The following CLVS1 variants were observed in gnomAD, a reference collection of about 807,000 sequenced individuals.
The protein encoded by CLVS1 is clavesin-1.
Under a neutral mutation model 33.1 loss-of-function variants are expected in CLVS1, and 10 were observed. That is an observed-to-expected ratio of 0.30 (90% CI 0.19 to 0.51). The LOEUF (loss-of-function observed/expected upper bound fraction) is 0.51, where lower values mean the gene tolerates loss of function less well. Among genes scored for constraint, CLVS1 ranks in the 20% least tolerant of loss-of-function variants. The pLI, the probability that CLVS1 is intolerant of heterozygous loss-of-function variation, is 0.97. For synonymous variants in CLVS1, 163 were observed against 166.1 expected, an observed-to-expected ratio of 0.98 and a Z score of 0.14; for missense variants, 343 against 433.4, an observed-to-expected ratio of 0.79 and a Z score of 1.85.
intron 2 of CLVS1, among the ~76,000 whole-genome samples, chr8:61,143,653 C>T (rs547231479): frequency 1.3e-5 from 2 of 151,808 alleles, no homozygotes; most frequent in East Asian, 3.9e-4. Context: ...AGTGTACTGT[C>T]TATTCTGCAC....
In CLVS1 at chr8:61,120,580, T is replaced by A. The variant is rs1389235552; in HGVS notation, c.-242-11190T>A. ...TGGATGTCCTTTGTGTTTGTTAGTT[T>A]TCCTTCTAACAGACAGGACCCTCAG... On this transcript the variant is annotated intron_variant, in intron 1 of 2. Coordinates refer to the CLVS1 transcript ENST00000522621. Among the ~76,000 whole-genome samples, 7 of 103,336 alleles carry A rather than the reference T, an allele frequency of 6.8e-5. 1 individual carries two copies. In the East Asian group the frequency reaches 2.4e-3, roughly 35 times the overall value. 67.8% of individuals were successfully genotyped at this position (103,336 alleles called of 152,430 possible).
chr8:61,289,323 A>T (rs1163214563), intron 1 of CLVS1, among the ~76,000 whole-genome samples: 2 of 152,188 alleles, frequency 1.3e-5, no homozygotes, highest in Non-Finnish European at 2.9e-5. Context: ...AGCTGAAGGG[A>T]AGTTGGAACA....
the CLVS1 span, among the ~76,000 whole-genome samples, chr8:60,995,624 A>G: frequency 2.0e-5 from 3 of 152,222 alleles, no homozygotes; most frequent in Non-Finnish European, 4.4e-5. Flanking sequence ...GGGATCTAGA[A>G]CTAGAAATAC....
chr8:61,224,830 A>C (rs187822449), intron 2 of CLVS1, among the ~76,000 whole-genome samples: 43 of 152,324 alleles, frequency 2.8e-4, no homozygotes, highest in Admixed American at 2.6e-3. Flanking sequence ...CCAATACAGG[A>C]GCACCAAGAT....
chr8:61,414,584 G>A (rs1815358939), intron 3 of CLVS1, among the ~76,000 whole-genome samples: 1 of 152,062 alleles, frequency 6.6e-6, no homozygotes, highest in Non-Finnish European at 1.5e-5. Context: ...TTTTGGCTGG[G>A]GCTGCGAGTA....
At chr8:60,987,949 G>A in the CLVS1 span, among the ~76,000 whole-genome samples, 1 of 152,096 alleles carries the variant, frequency 6.6e-6, no homozygotes, top group Non-Finnish European at 1.5e-5. Context: ...AATAATAAAA[G>A]TGCTAGTGAG....
chr8:61,072,734 T>G (rs1804821520), intron 1 of CLVS1, among the ~76,000 whole-genome samples: 1 of 152,092 alleles, frequency 6.6e-6, no homozygotes, highest in Non-Finnish European at 1.5e-5. Flanking sequence ...AAATCCCACT[T>G]CCCAGCTCAC....
chr8:61,135,260 G>T (rs1357258569), intron 2 of CLVS1, among the ~76,000 whole-genome samples: 1 of 152,056 alleles, frequency 6.6e-6, no homozygotes, highest in African/African-American at 2.4e-5. Flanking sequence ...GGCTTGGCAA[G>T]ACCTGTTGTT....
chr8:61,371,328 T>C (rs1025879905), intron 2 of CLVS1, among the ~76,000 whole-genome samples: 2 of 152,212 alleles, frequency 1.3e-5, no homozygotes, highest in African/African-American at 4.8e-5. Context: ...AGCCCACATT[T>C]TGATGGAATT....
rs140259726 is a variant in CLVS1, at chr8:61,151,085, T to C, written c.-152+19225T>C. ...AAGAAAAAGAATTTCAATGAATGCA[T>C]GAGCTACCAGTGGCAAGACAGGCAC... On this transcript the variant is annotated intron_variant, in intron 2 of 2. Transcript: ENST00000522621. Among the ~76,000 whole-genome samples, 67 of 152,302 alleles carry C rather than the reference T, an allele frequency of 4.4e-4. 1 individual carries two copies. In the East Asian group the frequency reaches 0.013, roughly 28 times the overall value.
upstream of CLVS1, among the ~76,000 whole-genome samples, chr8:61,053,260 G>A (rs1256707790): frequency 1.3e-5 from 2 of 152,192 alleles, no homozygotes; most frequent in Admixed American, 1.3e-4. Flanking sequence ...GTTGCAGGAT[G>A]CAATGAGATT....
intron 2 of CLVS1, among the ~76,000 whole-genome samples, chr8:61,189,469 T>C (rs75893939): frequency 3.9e-5 from 6 of 152,176 alleles, no homozygotes; most frequent in Non-Finnish European, 7.4e-5. Flanking sequence ...CATCAACTAA[T>C]GAGCAAAATA....
intron 2 of CLVS1, among the ~76,000 whole-genome samples, chr8:61,372,090 G>A (rs1013117133): frequency 2.6e-5 from 4 of 152,124 alleles, no homozygotes; most frequent in African/African-American, 9.7e-5. Flanking sequence ...AAGGGTGGAA[G>A]AAATGTAAAT....
intron 3 of CLVS1, among the ~76,000 whole-genome samples, chr8:61,405,100 T>C (rs1814936512): frequency 6.6e-6 from 1 of 152,110 alleles, no homozygotes; most frequent in Admixed American, 6.5e-5. Context: ...CTCTGGGGGG[T>C]AGTGAATATA....
chr8:61,137,506 A>G (rs1048313597), intron 2 of CLVS1, among the ~76,000 whole-genome samples: 12 of 152,154 alleles, frequency 7.9e-5, no homozygotes, highest in African/African-American at 2.4e-4. Context: ...AGCACTTGAT[A>G]CATAAAACAT....
intron 5 of CLVS1, among the ~76,000 whole-genome samples, chr8:61,488,783 T>A (rs1288431868): frequency 6.6e-6 from 1 of 152,192 alleles, no homozygotes; most frequent in Non-Finnish European, 1.5e-5. Flanking sequence ...CAATAAGCCC[T>A]TTTGTAGGTA....
intron 2 of CLVS1, among the ~76,000 whole-genome samples, chr8:61,245,782 C>T (rs959230715): frequency 2.6e-5 from 4 of 151,188 alleles, no homozygotes; most frequent in Non-Finnish European, 5.9e-5. Flanking sequence ...AGCTATACAC[C>T]ATTTTATTAT....
At chr8:61,060,378 G>A (rs1031454612) in intron 1 of CLVS1, among the ~76,000 whole-genome samples, 2 of 152,206 alleles carry the variant, frequency 1.3e-5, no homozygotes, top group African/African-American at 4.8e-5. Flanking sequence ...TGATGGTCCA[G>A]TGAAAATCTT....
chr8:61,416,430 G>A (rs183849474), intron 3 of CLVS1, among the ~76,000 whole-genome samples: 1 of 152,244 alleles, frequency 6.6e-6, no homozygotes, highest in Non-Finnish European at 1.5e-5. Flanking sequence ...CATCCCAAGA[G>A]GATCTGTCAC....
Sources: allele counts gnomAD v4.1 joint callset (sites outside exome capture counted in the v4.1 genomes callset), GRCh38; gene constraint gnomAD v4.1.1; transcripts MANE v1.5; gene names NCBI Gene and HGNC (gene_info 2026-07-23, HGNC 2026-07-21).